ITGA1: variants seen among roughly 807,000 people sequenced by gnomAD.
ITGA1 encodes integrin alpha-1.
ITGA1 carries 85 observed loss-of-function variants against 145.9 expected under a neutral mutation model. The observed-to-expected ratio is 0.58, with a 90% confidence interval of 0.49 to 0.70. The LOEUF (loss-of-function observed/expected upper bound fraction) is 0.70. ITGA1 is among the 30% of genes least tolerant of loss of function. The probability of loss-of-function intolerance (pLI) is 0.00; values close to 1 mark genes in which losing one functional copy is unlikely to be tolerated. For synonymous variants in ITGA1, 520 were observed against 495.3 expected (o/e 1.05, Z -0.66); for missense variants, 1,351 against 1,418.7 (o/e 0.95, Z 0.77).
chr5:52,899,747 G>A (rs1004636563), intron 11 of ITGA1, among the ~76,000 whole-genome samples: 2 of 152,186 alleles, frequency 1.3e-5, no homozygotes, highest in African/African-American at 4.8e-5. Flanking sequence ...TTGGAGGATT[G>A]TGATATAAAA....
chr5:52,906,101 G>A (rs529803374), intron 12 of ITGA1, among the ~76,000 whole-genome samples, 193 bp downstream of exon 12: 44 of 152,190 alleles, frequency 2.9e-4, no homozygotes, highest in African/African-American at 9.4e-4. Context: ...GGGTGTGGAG[G>A]TAAGATATAC....
intron 18 of ITGA1, among the ~76,000 whole-genome samples, chr5:52,923,844 A>G (rs1750765626): frequency 6.6e-6 from 1 of 152,224 alleles, no homozygotes; most frequent in African/African-American, 2.4e-5. Context: ...ACCACCAGTA[A>G]CCACCTAGGT....
intron 20 of ITGA1, among the ~76,000 whole-genome samples, chr5:52,928,137 C>T (rs1445847286): frequency 6.6e-6 from 1 of 152,068 alleles, no homozygotes. Context: ...GTATTTTGTA[C>T]AAGGTATTTA....
In ITGA1 at chr5:52,912,093, CTATA is replaced by C. The variant is rs1030650842; in HGVS notation, c.1857+1679_1857+1682del. 9.5e-5 allele frequency among the ~76,000 whole-genome samples: 13 copies of C among 136,964 alleles called. 1 individual carries two copies. Among genetic ancestry groups the C allele is most frequent in the Non-Finnish European group, 1.2e-4 (8 of 64,512 alleles). The allele number at this position is 136,964 out of a possible 152,430, so 89.9% of individuals were successfully genotyped here. A position where few individuals can be genotyped will look rare whatever the true frequency, so the allele number is the denominator to read the frequency against. Reference sequence around the variant, plus strand: ...ACACTATATATAGTATATAGATACACTATATATAGCGTATCTAGTATATAGATAC... The same window carrying C: ...ACACTATATATAGTATATAGATACACTATAGCGTATCTAGTATATAGATAC... On this transcript the variant is annotated intron_variant, in intron 14 of 28. Transcript: ENST00000282588.
At position 52,937,616 on chromosome 5, in the gene ITGA1, A is replaced by G. The variant is rs145553333; in HGVS notation, c.3078+102A>G. 1,971 of 741,314 alleles carry G rather than the reference A, an allele frequency of 2.7e-3. 35 individuals are homozygous for G. The African/African-American group carries it at 0.031, about 12-fold the overall frequency. The allele number at this position is 741,314 out of a possible 1,614,324, so 45.9% of individuals were successfully genotyped here. On this transcript the variant is annotated intron_variant, in intron 24 of 28. Coordinates refer to ENST00000282588, the MANE Select transcript of ITGA1 (RefSeq NM_181501.2). ...GATACTTGTAATAAAGAATTTTACC[A>G]AAGTAACATGGAGAGGTATTTAGAT...
chr5:52,871,901 C>G (rs1749782051), intron 6 of ITGA1, among the ~76,000 whole-genome samples: 1 of 152,064 alleles, frequency 6.6e-6, no homozygotes, highest in South Asian at 2.1e-4. Context: ...CTGAGCTTGC[C>G]ATTAAAGATA....
chr5:52,912,726 G>A lies in ITGA1; in HGVS notation c.1857+2307G>A, dbSNP rs557506483. 1.4e-3 allele frequency among the ~76,000 whole-genome samples: 193 copies of A among 141,116 alleles called. 2 individuals are homozygous for A. The highest frequency in any genetic ancestry group is 2.3e-3 in the Admixed American group (33 of 14,450). 92.6% of individuals were successfully genotyped at this position (141,116 alleles called of 152,430 possible). A position where few individuals can be genotyped will look rare whatever the true frequency, so the allele number is the denominator to read the frequency against. On this transcript the variant is annotated intron_variant, in intron 14 of 28. Coordinates refer to ENST00000282588, the MANE Select transcript of ITGA1 (RefSeq NM_181501.2). ...CTATATATATAGTGTGTGTGTGTGT[G>A]TGTGTGTGTGTGTGTATATATATAT...
chr5:52,906,031 C>T (rs1294909807), intron 12 of ITGA1, 123 bp downstream of exon 12: 12 of 793,414 alleles, frequency 1.5e-5, no homozygotes, highest in Non-Finnish European at 2.4e-5. Flanking sequence ...GGGAACAGGG[C>T]CCTGTGTTAG....
chr5:52,831,603 G>A (rs2111721913), intron 1 of ITGA1, among the ~76,000 whole-genome samples: 1 of 151,164 alleles, frequency 6.6e-6, no homozygotes, highest in African/African-American at 2.4e-5. Context: ...AATCACTTAT[G>A]GCTCCTAAGA....
intron 6 of ITGA1, among the ~76,000 whole-genome samples, chr5:52,880,037 G>A (rs1749930729): frequency 6.6e-6 from 1 of 152,204 alleles, no homozygotes; most frequent in Admixed American, 6.5e-5. Flanking sequence ...TAACTAGCTA[G>A]TTAAGCAAAT....
At chr5:52,867,793 G>A (rs1012959806) in intron 6 of ITGA1, among the ~76,000 whole-genome samples, 1 of 152,006 alleles carries the variant, frequency 6.6e-6, no homozygotes, top group Non-Finnish European at 1.5e-5. Context: ...CTTTCTGCTT[G>A]CTGATGGCAG....
rs1005968023 is a variant in ITGA1, at chr5:52,787,959, G to T, written c.-395G>T. The T allele has an allele frequency of 1.3e-4, 24 of 178,326 alleles. No individual in the cohort carries two copies. The highest frequency in any genetic ancestry group is 5.2e-4 in the African/African-American group (22 of 42,568). 11.0% of individuals were successfully genotyped at this position (178,326 alleles called of 1,614,324 possible). On this transcript the variant is annotated 5_prime_UTR_variant, in exon 1 of 29. Coordinates refer to ENST00000282588, the MANE Select transcript of ITGA1 (RefSeq NM_181501.2). Reference sequence around the variant, plus strand: ...TTAGGGGATTTGGCCCGGAGAACGAGATCACCCTCTCAATGAAAGGCAGAT... The same window carrying T: ...TTAGGGGATTTGGCCCGGAGAACGATATCACCCTCTCAATGAAAGGCAGAT...
At chr5:52,915,661 G>A (rs980784820) in intron 15 of ITGA1, 67 bp downstream of exon 15, 1 of 1,564,634 alleles carries the variant, frequency 6.4e-7, no homozygotes, top group African/African-American at 1.4e-5. Context: ...AGTGTGATTG[G>A]AGCTCATGTC....
intron 6 of ITGA1, among the ~76,000 whole-genome samples, chr5:52,879,730 T>C (rs1351139): frequency 0.4 from 60,090 of 151,618 alleles, 13,191 homozygotes; most frequent in African/African-American, 0.59. Context: ...AAAGGGTCTT[T>C]TGGTCACCTT....
chr5:52,896,865 C>A lies in ITGA1; in HGVS notation c.1091-590C>A, dbSNP rs528949843. Reference sequence around the variant, plus strand: ...TGTGGGCAGCCCTATCACAAAGACCCCTCTGGATCTGTGAGTGATACTTAC... The same window carrying A: ...TGTGGGCAGCCCTATCACAAAGACCACTCTGGATCTGTGAGTGATACTTAC... On this transcript the variant is annotated intron_variant, in intron 9 of 28. Transcript: ENST00000282588. Among the ~76,000 whole-genome samples, 56 of 152,148 alleles carry A rather than the reference C, an allele frequency of 3.7e-4. No individual in the cohort carries two copies. In the South Asian group the frequency reaches 0.011, roughly 29 times the overall value.
chr5:52,843,152 T>G (rs1719571007), intron 1 of ITGA1, among the ~76,000 whole-genome samples: 1 of 152,198 alleles, frequency 6.6e-6, no homozygotes, highest in South Asian at 2.1e-4. Flanking sequence ...ACTATCTTTC[T>G]ATACCACCAA....
At chr5:52,801,922 T>C in intron 1 of ITGA1, 2 of 1,075,546 alleles carry the variant, frequency 1.9e-6, no homozygotes, top group Non-Finnish European at 2.6e-6. Flanking sequence ...GACAGAAAGC[T>C]GCAAGAATGG....
At chr5:52,902,837 A>T in intron 11 of ITGA1, 1 of 152,232 alleles carries the variant, frequency 6.6e-6, no homozygotes, top group East Asian at 1.9e-4. Flanking sequence ...GGATTCCCAA[A>T]GTGCTGGGAT....
At position 52,865,733 on chromosome 5, in the gene ITGA1, C is replaced by T. The variant is rs1455579620; in HGVS notation, c.540C>T (p.Ser180=). The change falls in exon 6 of 29, where the codon TCC becomes TCT. Residue 180 remains serine (S), a synonymous_variant. Coordinates refer to ENST00000282588, the MANE Select transcript of ITGA1 (RefSeq NM_181501.2). ...ACATAGTCATAGTGCTGGATGGTTC[C>T]AACAGTATTTACCCATGGGACAGTG... ...QLDIVIVLDG[S]NSIYPWDSVT... The T allele has an allele frequency of 7.5e-6, 12 of 1,598,796 alleles. No individual in the cohort carries two copies. The highest frequency in any genetic ancestry group is 9.4e-6 in the Non-Finnish European group (11 of 1,174,770).
Sources: allele counts gnomAD v4.1 joint callset (sites outside exome capture counted in the v4.1 genomes callset), GRCh38; gene constraint gnomAD v4.1.1; transcripts MANE v1.5; gene names NCBI Gene and HGNC (gene_info 2026-07-23, HGNC 2026-07-21).